Variants in PDGFD observed in about 807,000 individuals in gnomAD.
PDGFD encodes the protein platelet derived growth factor D.
Under a neutral mutation model 44.7 loss-of-function variants are expected in PDGFD, and 30 were observed. The ratio of observed to expected loss-of-function variants is 0.67; its 90% CI spans 0.50 to 0.91. The LOEUF is 0.91. PDGFD is among the 40% of genes least tolerant of loss of function. The pLI, the probability that PDGFD is intolerant of heterozygous loss-of-function variation, is 0.00. For missense variants in PDGFD, 445 were observed against 457.8 expected, an observed-to-expected ratio of 0.97 and a Z score of 0.25; for synonymous variants, 173 against 168.4, an observed-to-expected ratio of 1.03 and a Z score of -0.21.
At chr11:103,934,963 T>C (rs1056213736) in intron 5 of PDGFD, among the ~76,000 whole-genome samples, 1 of 152,116 alleles carries the variant, frequency 6.6e-6, no homozygotes, top group African/African-American at 2.4e-5. Context: ...TCTCCTTAAG[T>C]CTAGTGGGGC....
At chr11:104,093,129 T>A (rs1469980111) in intron 1 of PDGFD, among the ~76,000 whole-genome samples, 2 of 152,094 alleles carry the variant, frequency 1.3e-5, no homozygotes, top group Admixed American at 6.6e-5. Flanking sequence ...CCTAAATGAT[T>A]TTAAGTTTCA....
At chr11:104,011,532 T>G (rs889009248) in intron 1 of PDGFD, among the ~76,000 whole-genome samples, 1 of 152,130 alleles carries the variant, frequency 6.6e-6, no homozygotes, top group Admixed American at 6.6e-5. Flanking sequence ...TTATGATTAC[T>G]GTTAAATGTA....
At chr11:104,105,375 G>T (rs1401164708) in intron 1 of PDGFD, among the ~76,000 whole-genome samples, 1 of 151,912 alleles carries the variant, frequency 6.6e-6, no homozygotes, top group Non-Finnish European at 1.5e-5. Context: ...CAAGTCGCAG[G>T]CACAAATAAA....
intron 3 of PDGFD, among the ~76,000 whole-genome samples, chr11:103,965,207 G>T (rs1414499038): frequency 2.0e-5 from 3 of 152,126 alleles, no homozygotes; most frequent in African/African-American, 4.8e-5. Context: ...AAACTTATCA[G>T]TTAAGACGGC....
At chr11:104,020,286 A>G (rs1369556990) in intron 1 of PDGFD, among the ~76,000 whole-genome samples, 1 of 152,034 alleles carries the variant, frequency 6.6e-6, no homozygotes, top group African/African-American at 2.4e-5. Context: ...TTTTTTTCTA[A>G]TAAGTTTGAG....
At chr11:103,967,039 G>T (rs1015169225) in intron 3 of PDGFD, among the ~76,000 whole-genome samples, 1 of 152,170 alleles carries the variant, frequency 6.6e-6, no homozygotes, top group Admixed American at 6.6e-5. Flanking sequence ...GATATTTTTA[G>T]TCTAATACTT....
chr11:104,143,643 C>A (rs192462085), intron 1 of PDGFD, among the ~76,000 whole-genome samples: 9 of 152,274 alleles, frequency 5.9e-5, no homozygotes, highest in Non-Finnish European at 1.2e-4. Context: ...AATCTACTAG[C>A]CTTGAGAGTC....
chr11:103,960,396 T>C (rs1003413901), intron 3 of PDGFD, among the ~76,000 whole-genome samples: 1 of 152,200 alleles, frequency 6.6e-6, no homozygotes, highest in Admixed American at 6.6e-5. Context: ...TTTAAACTGT[T>C]ATTTACTTAT....
intron 1 of PDGFD, among the ~76,000 whole-genome samples, chr11:104,126,525 C>G (rs1182532220): frequency 6.6e-6 from 1 of 152,142 alleles, no homozygotes; most frequent in African/African-American, 2.4e-5. Flanking sequence ...GAAAAACAAT[C>G]TTTGTTGATG....
chr11:104,031,458 G>T (rs1860124439), intron 1 of PDGFD, among the ~76,000 whole-genome samples: 1 of 152,176 alleles, frequency 6.6e-6, no homozygotes, highest in Non-Finnish European at 1.5e-5. Context: ...TCTAATACCA[G>T]TCAGAATGGT....
chr11:103,921,618 AT>A (rs1000408505), intron 6 of PDGFD, among the ~76,000 whole-genome samples: 1 of 151,254 alleles, frequency 6.6e-6, no homozygotes, highest in African/African-American at 2.4e-5. Flanking sequence ...AAAAAAAAAA[AT>A]CTAAATCTAA....
chr11:104,079,784 T>A (rs940248043), intron 1 of PDGFD, among the ~76,000 whole-genome samples: 1 of 125,032 alleles, frequency 8.0e-6, no homozygotes, highest in East Asian at 2.5e-4. Flanking sequence ...GAAAAATTAA[T>A]CTTTGCATAG....
chr11:103,994,632 A>T (rs1859508467), intron 3 of PDGFD, among the ~76,000 whole-genome samples: 1 of 152,196 alleles, frequency 6.6e-6, no homozygotes, highest in Admixed American at 6.5e-5. Context: ...AAGATAAAAA[A>T]TAAAAAAATA....
chr11:104,122,233 A>G (rs1200869005), intron 1 of PDGFD, among the ~76,000 whole-genome samples: 3 of 152,056 alleles, frequency 2.0e-5, no homozygotes, highest in East Asian at 1.9e-4. Flanking sequence ...GGGGCCAGAC[A>G]TATCTAACAT....
At chr11:104,134,906 A>G (rs1271752008) in intron 1 of PDGFD, among the ~76,000 whole-genome samples, 1 of 152,074 alleles carries the variant, frequency 6.6e-6, no homozygotes, top group Non-Finnish European at 1.5e-5. Flanking sequence ...TTCCTACCTC[A>G]CTGACTCTCC....
At chr11:104,090,181 C>G (rs1248819079) in intron 1 of PDGFD, among the ~76,000 whole-genome samples, 2 of 152,000 alleles carry the variant, frequency 1.3e-5, no homozygotes, top group Non-Finnish European at 2.9e-5. Context: ...CATATTATGA[C>G]AGCAACCACA....
intron 1 of PDGFD, among the ~76,000 whole-genome samples, chr11:104,054,670 C>T (rs183088956): frequency 5.3e-5 from 8 of 152,176 alleles, no homozygotes; most frequent in Admixed American, 3.3e-4. Context: ...TGACAGCAAA[C>T]GTAGAAAATG....
intron 5 of PDGFD, among the ~76,000 whole-genome samples, chr11:103,936,359 T>G (rs1858487501): frequency 6.6e-6 from 1 of 152,226 alleles, no homozygotes; most frequent in South Asian, 2.1e-4. Context: ...TATGTTCATA[T>G]GTTAATGCTC....
chr11:104,144,531 CAACAA>C (rs370255567), intron 1 of PDGFD, among the ~76,000 whole-genome samples: 1 of 96,562 alleles, frequency 1.0e-5, no homozygotes, highest in Non-Finnish European at 2.1e-5. Context: ...AAAAAAAACC[CAACAA>C]AACAAAACAA....
Sources: gnomAD v4.1 joint callset for allele counts (sites outside exome capture counted in the v4.1 genomes callset) on GRCh38, gnomAD v4.1.1 for gene constraint, MANE v1.5 for transcripts, NCBI Gene and HGNC (gene_info 2026-07-23, HGNC 2026-07-21) for gene names.